ORC3: variants seen among roughly 807,000 people sequenced by gnomAD.
ORC3 encodes homolog of latheo, Drosophila.
A neutral mutation model predicts 100.7 loss-of-function variants in ORC3; 78 were observed. The ratio of observed to expected loss-of-function variants is 0.77; its 90% confidence interval spans 0.65 to 0.94. The LOEUF (loss-of-function observed/expected upper bound fraction) is 0.94, where lower values mean the gene tolerates loss of function less well. ORC3 is among the 40% of genes least tolerant of loss of function. The pLI, the probability that ORC3 is intolerant of heterozygous loss-of-function variation, is 0.00. For synonymous variants in ORC3, 295 were observed against 289.3 expected (o/e 1.02, Z -0.20); for missense variants, 789 against 823.9 (o/e 0.96, Z 0.52).
intron 2 of ORC3, among the ~76,000 whole-genome samples, chr6:87,600,621 G>C (rs1777824663): frequency 6.6e-6 from 1 of 152,158 alleles, no homozygotes; most frequent in Non-Finnish European, 1.5e-5. Context: ...TAGGAGAATA[G>C]GGTTGGATTC....
intron 3 of ORC3, 123 bp downstream of exon 3, chr6:87,602,004 C>A: frequency 1.6e-6 from 1 of 626,456 alleles, no homozygotes; most frequent in Non-Finnish European, 2.9e-6. Context: ...TCAAGCATAG[C>A]CTGTATATCC....
At chr6:87,598,658 C>CT (rs559954997) in intron 2 of ORC3, among the ~76,000 whole-genome samples, 2,823 of 130,312 alleles carry the variant, frequency 0.022, 41 homozygotes, top group Non-Finnish European at 0.027. Context: ...GTTTGCTAGG[C>CT]TTTTTTTTTT....
chr6:87,674,077 G>A, the ORC3 span, among the ~76,000 whole-genome samples: 1 of 152,052 alleles, frequency 6.6e-6, no homozygotes, highest in African/African-American at 2.4e-5. Context: ...GAGGTGGGCA[G>A]ATCACCTGAG....
the ORC3 span, among the ~76,000 whole-genome samples, chr6:87,674,664 T>TG: frequency 1.2e-4 from 17 of 140,810 alleles, no homozygotes; most frequent in Non-Finnish European, 2.4e-4. Flanking sequence ...TTAGTAGAGA[T>TG]GGGGTTTCAC....
the ORC3 span, chr6:87,675,793 T>C: frequency 1.5e-5 from 23 of 1,506,920 alleles, no homozygotes; most frequent in African/African-American, 2.2e-4. Flanking sequence ...ATGAAAATAA[T>C]TATAATGTCT....
intron 4 of ORC3, among the ~76,000 whole-genome samples, chr6:87,604,890 T>C (rs1778220061): frequency 6.6e-6 from 1 of 152,222 alleles, no homozygotes; most frequent in South Asian, 2.1e-4. Flanking sequence ...TGGATGATTC[T>C]GAAATTTTTC....
intron 16 of ORC3, among the ~76,000 whole-genome samples, chr6:87,658,231 G>A (rs1769874970): frequency 6.6e-6 from 1 of 152,132 alleles, no homozygotes; most frequent in South Asian, 2.1e-4. Context: ...GCCAAGGCTG[G>A]TGGATCACGA....
At position 87,596,644 on chromosome 6, in the gene ORC3, G is replaced by T. The variant is rs532280161; in HGVS notation, c.79+2237G>T. ...TTAAAATGGTTGTGTTTAATTATTT[G>T]TAAATTATACCTCAATAAAATTCAA... On this transcript the variant is annotated intron_variant, in intron 2 of 19. Transcript: ENST00000392844. Among the ~76,000 whole-genome samples the T allele has an allele frequency of 3.7e-4, 56 of 152,080 alleles. 1 individual carries two copies. The highest frequency in any genetic ancestry group is 6.0e-4 in the Non-Finnish European group (41 of 67,980).
intron 4 of ORC3, among the ~76,000 whole-genome samples, chr6:87,605,088 CTG>C (rs1189156416): frequency 1.3e-5 from 2 of 152,174 alleles, no homozygotes; most frequent in Non-Finnish European, 2.9e-5. Flanking sequence ...AATTTGATAA[CTG>C]TATGCGGTGC....
chr6:87,675,825 T>TAGTTTAAAGTC, the ORC3 span: 2 of 1,584,574 alleles, frequency 1.3e-6, no homozygotes, highest in Non-Finnish European at 1.7e-6. Context: ...GACAGTCTTA[T>TAGTTTAAAGTC]TTTCAGTTTA....
At chr6:87,656,284 A>G (rs1769681432) in intron 14 of ORC3, among the ~76,000 whole-genome samples, 1 of 152,246 alleles carries the variant, frequency 6.6e-6, no homozygotes, top group African/African-American at 2.4e-5. Flanking sequence ...AGCTATGTAT[A>G]ACATCAAAAA....
intron 13 of ORC3, among the ~76,000 whole-genome samples, chr6:87,644,436 G>C (rs113311991): frequency 3.3e-5 from 5 of 152,054 alleles, no homozygotes; most frequent in African/African-American, 1.2e-4. Flanking sequence ...GCCAGGCATG[G>C]TGGCTCATGC....
intron 12 of ORC3, among the ~76,000 whole-genome samples, chr6:87,635,523 G>A (rs745855849): frequency 5.9e-5 from 9 of 152,182 alleles, no homozygotes; most frequent in Non-Finnish European, 1.0e-4. Context: ...TTGGCTGGGT[G>A]CAGTGACTCA....
chr6:87,664,037 A>C (rs1055787746), intron 17 of ORC3, among the ~76,000 whole-genome samples: 3 of 152,208 alleles, frequency 2.0e-5, no homozygotes, highest in Non-Finnish European at 4.4e-5. Flanking sequence ...ACTTAACCAA[A>C]AAATCAGTTA....
intron 19 of ORC3, among the ~76,000 whole-genome samples, chr6:87,666,346 G>T (rs1770614814): frequency 6.6e-6 from 1 of 151,634 alleles, no homozygotes; most frequent in South Asian, 2.1e-4. Flanking sequence ...TGGCCAGGCT[G>T]GTCTCGAACT....
intron 3 of ORC3, among the ~76,000 whole-genome samples, chr6:87,602,970 T>C (rs1228356319): frequency 3.3e-4 from 19 of 57,600 alleles, no homozygotes; most frequent in Middle Eastern, 9.1e-3. Flanking sequence ...TATATATATA[T>C]ACATATATAT....
chr6:87,653,107 C>G lies in ORC3; in HGVS notation c.1383-9C>G, dbSNP rs1769403197. ...TATATTACATTTCCTGTCACTGACT[C>G]TGTTCTAGGATGTTGGCAAAGGATG... On this transcript the variant is annotated splice_polypyrimidine_tract_variant and intron_variant, in intron 13 of 19. Transcript: ENST00000392844. 1.3e-6 allele frequency: 2 copies of G among 1,575,418 alleles called. No individual in the cohort carries two copies. The highest frequency in any genetic ancestry group is 2.7e-5 in the African/African-American group (2 of 73,850).
downstream of ORC3, among the ~76,000 whole-genome samples, chr6:87,669,625 C>A (rs1391986905): frequency 1.3e-5 from 2 of 152,212 alleles, no homozygotes; most frequent in Non-Finnish European, 2.9e-5. Flanking sequence ...GAATAAATTT[C>A]TCATGTTAAG....
chr6:87,665,893 T>C, intron 19 of ORC3, 60 bp downstream of exon 19: 3 of 1,034,178 alleles, frequency 2.9e-6, no homozygotes, highest in Non-Finnish European at 4.5e-6. Flanking sequence ...AGTTTATAAT[T>C]TCTCCAGGTC....
Sources: allele counts gnomAD v4.1 joint callset (sites outside exome capture counted in the v4.1 genomes callset), GRCh38; gene constraint gnomAD v4.1.1; transcripts MANE v1.5; gene names NCBI Gene and HGNC (gene_info 2026-07-23, HGNC 2026-07-21).